The following RNF126 variants were observed in gnomAD, a reference collection of about 807,000 sequenced individuals.
RNF126 encodes ring finger protein 126, also known as E3 ubiquitin-protein ligase RNF126.
RNF126 carries 20 observed loss-of-function variants against 41.9 expected under a neutral mutation model. That is an observed-to-expected ratio of 0.48 (90% CI 0.34 to 0.69). RNF126 has a LOEUF of 0.69. Among genes scored for constraint, RNF126 ranks in the 30% least tolerant of loss-of-function variants. The pLI is 0.01. For missense variants in RNF126, 433 were observed against 460.6 expected, an observed-to-expected ratio of 0.94 and a Z score of 0.55; for synonymous variants, 239 against 202.9, an observed-to-expected ratio of 1.18 and a Z score of -1.51.
intron 1 of RNF126, among the ~76,000 whole-genome samples, chr19:661,705 C>T (rs374151896): frequency 2.6e-5 from 4 of 152,234 alleles, no homozygotes; most frequent in African/African-American, 7.2e-5. Context: ...GTCTCTACTC[C>T]CGGGGAACTG....
intron 1 of RNF126, among the ~76,000 whole-genome samples, chr19:656,476 C>T (rs1255245694): frequency 6.6e-6 from 1 of 152,070 alleles, no homozygotes; most frequent in East Asian, 1.9e-4. Context: ...TAGGGAAATA[C>T]CGTCTCTACT....
intron 1 of RNF126, among the ~76,000 whole-genome samples, chr19:661,016 C>CA (rs2030778459): frequency 6.6e-6 from 1 of 152,256 alleles, no homozygotes; most frequent in African/African-American, 2.4e-5. Context: ...AAATATTTGT[C>CA]AATCACTGTT....
At chr19:655,565 AGCCCC>A (rs2030527124) in intron 1 of RNF126, among the ~76,000 whole-genome samples, 1 of 152,082 alleles carries the variant, frequency 6.6e-6, no homozygotes, top group Admixed American at 6.6e-5. Context: ...GCAGCCGGCC[AGCCCC>A]AGCGAGATGC....
In RNF126 at chr19:647,641, C is replaced by G. The variant is rs530999119; in HGVS notation, c.*487G>C. 5.6e-6 allele frequency: 1 copy of G among 178,116 alleles called. No homozygotes were observed. Among genetic ancestry groups the G allele is most frequent in the Non-Finnish European group, 1.2e-5 (1 of 82,488 alleles). The allele number at this position is 178,116 out of a possible 1,614,324, so 11.0% of individuals were successfully genotyped here. Reference sequence around the variant, plus strand: ...ATTTTGCTGGTCATCCTCATGGTCCCGAGCCCCCCTACTCCGGGTCGTGGA... The same window carrying G: ...ATTTTGCTGGTCATCCTCATGGTCCGGAGCCCCCCTACTCCGGGTCGTGGA... On this transcript the variant is annotated 3_prime_UTR_variant, in exon 9 of 9. Transcript: ENST00000292363.
chr19:654,148 C>T (rs898073480), intron 1 of RNF126, among the ~76,000 whole-genome samples: 3 of 152,274 alleles, frequency 2.0e-5, no homozygotes, highest in African/African-American at 7.2e-5. Context: ...GCCTGCCTCA[C>T]CTGCTCCTGC....
intron 1 of RNF126, among the ~76,000 whole-genome samples, chr19:653,759 T>C (rs931260043): frequency 3.3e-5 from 5 of 152,076 alleles, no homozygotes; most frequent in African/African-American, 1.2e-4. Context: ...AACTGGAAGC[T>C]AAATCAACTG....
At chr19:657,856 G>C (rs907352398) in intron 1 of RNF126, among the ~76,000 whole-genome samples, 1 of 152,164 alleles carries the variant, frequency 6.6e-6, no homozygotes, top group Admixed American at 6.5e-5. Flanking sequence ...GCTGGCCGAC[G>C]GTGGGAGGGG....
intron 2 of RNF126, 170 bp downstream of exon 2, chr19:652,656 G>A (rs1188081960): frequency 3.1e-6 from 2 of 654,568 alleles, no homozygotes; most frequent in Non-Finnish European, 5.3e-6. Flanking sequence ...GGCCATCACA[G>A]AAGAGAACGG....
chr19:652,219 G>C lies in RNF126; in HGVS notation c.198+14C>G. Reference sequence around the variant, plus strand: ...GCTGACACGATCGGGAAGCACGAGGGGCGGGCGACTCACCTCCAACGGTGG... The same window carrying C: ...GCTGACACGATCGGGAAGCACGAGGCGCGGGCGACTCACCTCCAACGGTGG... On this transcript the variant is annotated intron_variant, in intron 3 of 8. Transcript: ENST00000292363. 1.3e-6 allele frequency: 2 copies of C among 1,519,014 alleles called. No homozygotes were observed. The highest frequency in any genetic ancestry group is 2.5e-5 in the East Asian group (1 of 40,502). The allele number at this position is 1,519,014 out of a possible 1,614,324, so 94.1% of individuals were successfully genotyped here.
intron 7 of RNF126, 27 bp downstream of exon 7, chr19:648,855 A>G: frequency 7.4e-7 from 1 of 1,344,992 alleles, no homozygotes; most frequent in Non-Finnish European, 1.0e-6. Flanking sequence ...TGTAATTCCC[A>G]CTACTCGGGA....
At chr19:660,050 C>T (rs1383301292) in intron 1 of RNF126, among the ~76,000 whole-genome samples, 1 of 152,254 alleles carries the variant, frequency 6.6e-6, no homozygotes, top group African/African-American at 2.4e-5. Context: ...CAGGCGTGAG[C>T]CACCGCGCTC....
At chr19:655,459 C>T (rs760609184) in intron 1 of RNF126, among the ~76,000 whole-genome samples, 13 of 151,860 alleles carry the variant, frequency 8.6e-5, no homozygotes, top group Non-Finnish European at 1.9e-4. Flanking sequence ...GCACTCTAGC[C>T]CGGGCGACAG....
rs1600628059 is a variant in RNF126 at position 649,322 on chromosome 19, T to C, written c.577-347A>G. 7 of 328,578 alleles carry C rather than the reference T, an allele frequency of 2.1e-5. No individual in the cohort carries two copies. The East Asian group carries it at 3.7e-4, about 17-fold the overall frequency. 20.4% of individuals were successfully genotyped at this position (328,578 alleles called of 1,614,324 possible). A position where few individuals can be genotyped will look rare whatever the true frequency, so the allele number is the denominator to read the frequency against. ...GGGTCGGGTCCTGCCAGTGACAAAA[T>C]GCTCCAAGGGCTCCTCAGCAAGGCT... On this transcript the variant is annotated intron_variant, in intron 6 of 8. Transcript: ENST00000292363.
rs373285669 is a variant in RNF126 at position 659,746 on chromosome 19, C to T, written c.75+3301G>A. On this transcript the variant is annotated intron_variant, in intron 1 of 8. Coordinates refer to ENST00000292363, the MANE Select transcript of RNF126 (RefSeq NM_194460.3). This position sits in a 1 kb window ranked among gnomAD's most constrained non-coding sequence, Gnocchi z 4.9. ...GACGCTCCCTTTGCTGCTCAGACAC[C>T]CAGACACCCTCGTCATCGCCTTTTT... Among the ~76,000 whole-genome samples the T allele has an allele frequency of 8.7e-4, 132 of 152,010 alleles. 1 individual carries two copies. The highest frequency in any genetic ancestry group is 2.9e-3 in the African/African-American group (121 of 41,466).
rs368909706 is a variant in RNF126 at position 649,718 on chromosome 19, G to A, written c.537C>T (p.Tyr179=). Residue 179 remains tyrosine, a synonymous_variant, in exon 6 of 9, where the codon TAC becomes TAT. Coordinates refer to ENST00000292363, the MANE Select transcript of RNF126 (RefSeq NM_194460.3). ...WGVLHSNPMD[Y]AWGANGLDAI... is the part of the protein sequence containing the mutation. ...CATCCAGGCCGTTGGCCCCCCAGGC[G>A]TAGTCCATAGGGTTTGAGTGCAGGA... is the stretch of plus-strand genomic sequence containing the variant. 2.5e-5 allele frequency: 39 copies of A among 1,571,358 alleles called. 1 individual carries two copies. The Admixed American group carries it at 2.7e-4, about 11-fold the overall frequency.
intron 1 of RNF126, among the ~76,000 whole-genome samples, chr19:655,739 A>G (rs1242073726): frequency 6.6e-6 from 1 of 152,160 alleles, no homozygotes; most frequent in African/African-American, 2.4e-5. Context: ...CCAAATGTTC[A>G]CATGGCCAGA....
At chr19:649,631 A>G in intron 6 of RNF126, 48 bp downstream of exon 6, 1 of 1,452,772 alleles carries the variant, frequency 6.9e-7, no homozygotes, top group South Asian at 1.2e-5. Context: ...AGGGGTGGGC[A>G]GCCCAGCCCT....
intron 1 of RNF126, among the ~76,000 whole-genome samples, chr19:655,034 G>A (rs1042624810): frequency 6.6e-6 from 1 of 152,100 alleles, no homozygotes; most frequent in Non-Finnish European, 1.5e-5. Context: ...CCCAGGCCAG[G>A]TGCAGCAGCT....
chr19:652,947 G>A, intron 1 of RNF126, 63 bp from the exon 2 acceptor site: 4 of 1,506,498 alleles, frequency 2.7e-6, no homozygotes, highest in South Asian at 1.1e-5. Context: ...ACCCCCCCAA[G>A]TGTGAGGACA....
Sources: allele counts gnomAD v4.1 joint callset (sites outside exome capture counted in the v4.1 genomes callset), GRCh38; gene constraint gnomAD v4.1.1; non-coding constraint Gnocchi (gnomAD v3.1); transcripts MANE v1.5; gene names NCBI Gene and HGNC (gene_info 2026-07-23, HGNC 2026-07-21).